Variants in FYN observed in about 807,000 individuals in gnomAD.
FYN encodes the protein tyrosine-protein kinase Fyn.
Under a neutral mutation model 70.2 loss-of-function variants are expected in FYN, and 10 were observed. The observed-to-expected ratio is 0.14, with a 90% CI of 0.09 to 0.24. FYN has a LOEUF of 0.24. Among genes scored for constraint, FYN ranks in the 10% least tolerant of loss-of-function variants. FYN has a pLI of 1.00. For synonymous variants in FYN, 236 were observed against 248.6 expected (o/e 0.95, Z 0.48); for missense variants, 319 against 673.1 (o/e 0.47, Z 5.82).
At chr6:111,755,582 T>C (rs1802695207) in intron 3 of FYN, among the ~76,000 whole-genome samples, 1 of 152,162 alleles carries the variant, frequency 6.6e-6, no homozygotes, top group Non-Finnish European at 1.5e-5. Flanking sequence ...ACTAAAGAAA[T>C]TCACGGAATA....
intron 13 of FYN, among the ~76,000 whole-genome samples, chr6:111,669,306 G>A (rs1324137581): frequency 1.3e-5 from 2 of 151,858 alleles, no homozygotes; most frequent in African/African-American, 4.8e-5. Flanking sequence ...GTGGTGGCGG[G>A]TGCCTGTAAT....
intron 13 of FYN, among the ~76,000 whole-genome samples, chr6:111,671,675 G>A (rs114442573): frequency 7.6e-4 from 115 of 152,248 alleles, no homozygotes; most frequent in African/African-American, 2.7e-3. Flanking sequence ...GCACAAAGAC[G>A]CAACGTGGGA....
intron 1 of FYN, among the ~76,000 whole-genome samples, chr6:111,869,562 T>A (rs560767023): frequency 6.6e-6 from 1 of 152,322 alleles, no homozygotes; most frequent in South Asian, 2.1e-4. Context: ...GGATAGTTTT[T>A]AAAAGATTTT....
intron 1 of FYN, among the ~76,000 whole-genome samples, chr6:111,855,692 T>C (rs994612751): frequency 6.6e-6 from 1 of 152,216 alleles, no homozygotes; most frequent in African/African-American, 2.4e-5. Context: ...AACGGTATCA[T>C]AGACAAGTCC....
At chr6:111,816,802 T>C (rs937318685) in intron 2 of FYN, among the ~76,000 whole-genome samples, 4 of 152,226 alleles carry the variant, frequency 2.6e-5, no homozygotes, top group African/African-American at 9.6e-5. Context: ...GAACTTATTC[T>C]AAGGAGAAAA....
chr6:111,662,339 AGGGTCAAC>A (rs1797782040), intron 13 of FYN, among the ~76,000 whole-genome samples: 1 of 152,358 alleles, frequency 6.6e-6, no homozygotes, highest in South Asian at 2.1e-4. Flanking sequence ...ATGTTCTGTC[AGGGTCAAC>A]GGGTCAACAA....
chr6:111,848,850 C>A (rs1773604083), intron 1 of FYN, among the ~76,000 whole-genome samples: 1 of 152,070 alleles, frequency 6.6e-6, no homozygotes, highest in Admixed American at 6.5e-5. Flanking sequence ...CTTTTTATTT[C>A]AAAGATTCAT....
At chr6:111,817,460 G>C (rs761887684) in intron 2 of FYN, among the ~76,000 whole-genome samples, 3 of 152,092 alleles carry the variant, frequency 2.0e-5, no homozygotes, top group Non-Finnish European at 2.9e-5. Context: ...ACGAATACAT[G>C]GTGTATCCGT....
intron 1 of FYN, among the ~76,000 whole-genome samples, chr6:111,853,235 G>A: frequency 6.6e-6 from 1 of 152,182 alleles, no homozygotes; most frequent in East Asian, 1.9e-4. Context: ...TCCACTAATG[G>A]AGAGGATCCA....
chr6:111,711,052 C>T (rs559798097), intron 5 of FYN, among the ~76,000 whole-genome samples: 54 of 152,244 alleles, frequency 3.5e-4, no homozygotes, highest in African/African-American at 1.3e-3. Flanking sequence ...GTGCCCCCAC[C>T]ACACCCCACA....
At chr6:111,677,036 TA>T (rs1798557494) in intron 12 of FYN, among the ~76,000 whole-genome samples, 1 of 152,256 alleles carries the variant, frequency 6.6e-6, no homozygotes, top group African/African-American at 2.4e-5. Context: ...TGCATTAATG[TA>T]AGGAATCTTT....
At chr6:111,824,813 C>G (rs1479217963) in intron 2 of FYN, among the ~76,000 whole-genome samples, 1 of 152,226 alleles carries the variant, frequency 6.6e-6, no homozygotes, top group African/African-American at 2.4e-5. Flanking sequence ...ACCAGGTAGC[C>G]ACAAAATGAG....
chr6:111,722,263 A>G (rs982611114), intron 3 of FYN, among the ~76,000 whole-genome samples: 2 of 152,216 alleles, frequency 1.3e-5, no homozygotes, highest in African/African-American at 2.4e-5. Flanking sequence ...TCTGGAACAC[A>G]TTTACTCCTA....
At chr6:111,853,400 A>G (rs1773739563) in intron 1 of FYN, among the ~76,000 whole-genome samples, 1 of 151,568 alleles carries the variant, frequency 6.6e-6, no homozygotes, top group African/African-American at 2.4e-5. Flanking sequence ...AAATCATCAC[A>G]TCAAGAAAAT....
chr6:111,739,251 A>C (rs559299550), intron 3 of FYN, among the ~76,000 whole-genome samples: 1 of 152,260 alleles, frequency 6.6e-6, no homozygotes, highest in African/African-American at 2.4e-5. Context: ...CAATCTGTTT[A>C]AATTGTTCAC....
intron 1 of FYN, among the ~76,000 whole-genome samples, chr6:111,866,620 G>A (rs897010161): frequency 1.3e-5 from 2 of 152,226 alleles, no homozygotes; most frequent in African/African-American, 4.8e-5. Flanking sequence ...GGGATTACAG[G>A]CGTGAGCCCC....
At chr6:111,761,641 C>G (rs945620793) in intron 3 of FYN, among the ~76,000 whole-genome samples, 5 of 152,158 alleles carry the variant, frequency 3.3e-5, no homozygotes, top group African/African-American at 1.2e-4. Context: ...GTGGCTCCCT[C>G]CTCCACAGCA....
At chr6:111,714,585 T>G in intron 4 of FYN, 142 bp from the exon 5 acceptor site, 1 of 661,770 alleles carries the variant, frequency 1.5e-6, no homozygotes, top group Non-Finnish European at 2.7e-6. Flanking sequence ...GTAATTAACG[T>G]GTCAAAACCA....
chr6:111,678,692 T>A (rs1798655331), intron 12 of FYN, among the ~76,000 whole-genome samples: 1 of 152,196 alleles, frequency 6.6e-6, no homozygotes, highest in Non-Finnish European at 1.5e-5. Flanking sequence ...AAAATTTATC[T>A]TCCCCACAAT....
Sources: gnomAD v4.1 joint callset for allele counts (sites outside exome capture counted in the v4.1 genomes callset) on GRCh38, gnomAD v4.1.1 for gene constraint, MANE v1.5 for transcripts, NCBI Gene and HGNC (gene_info 2026-07-23, HGNC 2026-07-21) for gene names.